Variants in RERE observed in about 807,000 individuals in gnomAD.
The protein encoded by RERE is arginine-glutamic acid dipeptide repeats.
A neutral mutation model predicts 146.1 loss-of-function variants in RERE; 40 were observed. That is an observed-to-expected ratio of 0.27 (90% CI 0.21 to 0.36). RERE has a LOEUF of 0.36. Ranked by LOEUF, RERE falls within the 10% of genes least tolerant of loss-of-function variation. The probability of loss-of-function intolerance (pLI) is 1.00; values close to 1 mark genes in which losing one functional copy is unlikely to be tolerated. For synonymous variants in RERE, 1,003 were observed against 866.0 expected (o/e 1.16, Z -2.78); for missense variants, 1,933 against 2,138.7 (o/e 0.90, Z 1.90).
At chr1:8,645,382 T>C (rs1352704909) in intron 2 of RERE, among the ~76,000 whole-genome samples, 1 of 152,216 alleles carries the variant, frequency 6.6e-6, no homozygotes, top group Non-Finnish European at 1.5e-5. Flanking sequence ...TAATTTTTGA[T>C]CTGCCTAATT....
intron 11 of RERE, among the ~76,000 whole-genome samples, chr1:8,463,999 A>G (rs1183438938): frequency 6.6e-6 from 1 of 152,240 alleles, no homozygotes; most frequent in Non-Finnish European, 1.5e-5. Context: ...AACCTTGTCA[A>G]TCAGATCTCT....
intron 1 of RERE, among the ~76,000 whole-genome samples, chr1:8,722,313 A>G (rs1322017202): frequency 1.3e-5 from 2 of 152,220 alleles, no homozygotes; most frequent in African/African-American, 4.8e-5. Context: ...TTCTGGTAAC[A>G]TCCCTTTTCT....
At chr1:8,712,432 G>A (rs1280836978) in intron 1 of RERE, among the ~76,000 whole-genome samples, 1 of 152,198 alleles carries the variant, frequency 6.6e-6, no homozygotes, top group Non-Finnish European at 1.5e-5. Context: ...AATCTTCAGA[G>A]CAAGCTGACT....
At chr1:8,599,299 C>A (rs540096298) in intron 4 of RERE, among the ~76,000 whole-genome samples, 3 of 152,190 alleles carry the variant, frequency 2.0e-5, no homozygotes, top group South Asian at 2.1e-4. Context: ...TTAAAATCAA[C>A]GAAAAAAGCA....
intron 6 of RERE, among the ~76,000 whole-genome samples, chr1:8,553,334 GCAC>G (rs1249797077): frequency 2.7e-5 from 4 of 149,498 alleles, no homozygotes; most frequent in South Asian, 2.1e-4. Flanking sequence ...ATGCAAAATT[GCAC>G]CACTAGGCCA....
At chr1:8,612,732 T>G (rs1202281894) in intron 4 of RERE, among the ~76,000 whole-genome samples, 1 of 152,212 alleles carries the variant, frequency 6.6e-6, no homozygotes, top group East Asian at 1.9e-4. Flanking sequence ...AACCTACTTT[T>G]TAGATATATG....
chr1:8,611,489 G>A (rs1298604685), intron 4 of RERE, among the ~76,000 whole-genome samples: 1 of 152,138 alleles, frequency 6.6e-6, no homozygotes, highest in Non-Finnish European at 1.5e-5. Flanking sequence ...GCATGACAGG[G>A]TGAGACTCTG....
intron 4 of RERE, among the ~76,000 whole-genome samples, chr1:8,584,040 A>G (rs1646398740): frequency 6.6e-6 from 1 of 152,162 alleles, no homozygotes; most frequent in Admixed American, 6.5e-5. Flanking sequence ...TAAATAAATT[A>G]TACCAGATAT....
chr1:8,635,873 T>TC (rs1280946605), intron 2 of RERE, among the ~76,000 whole-genome samples: 1 of 152,218 alleles, frequency 6.6e-6, no homozygotes, highest in Non-Finnish European at 1.5e-5. Context: ...ACACTGTCCT[T>TC]CCCTTGACAA....
At chr1:8,606,333 T>C (rs542082451) in intron 4 of RERE, among the ~76,000 whole-genome samples, 2 of 152,272 alleles carry the variant, frequency 1.3e-5, no homozygotes, top group South Asian at 4.1e-4. Context: ...AGATTCTAAA[T>C]TTTAAAAATT....
chr1:8,468,129 T>C (rs1391744985), intron 10 of RERE, among the ~76,000 whole-genome samples: 1 of 152,128 alleles, frequency 6.6e-6, no homozygotes, highest in African/African-American at 2.4e-5. Flanking sequence ...ACAACAATGA[T>C]CAATACTGGA....
chr1:8,544,248 T>TA (rs1472928698), intron 6 of RERE, among the ~76,000 whole-genome samples: 1 of 152,194 alleles, frequency 6.6e-6, no homozygotes, highest in African/African-American at 2.4e-5. Context: ...ATTAAATTTT[T>TA]AAAAAACAAA....
chr1:8,367,374 T>C (rs1641851617), intron 12 of RERE, among the ~76,000 whole-genome samples: 1 of 152,200 alleles, frequency 6.6e-6, no homozygotes, highest in South Asian at 2.1e-4. Flanking sequence ...CTGCATCTTA[T>C]GCCTGGGCAT....
At chr1:8,464,305 C>G (rs1178716143) in intron 11 of RERE, among the ~76,000 whole-genome samples, 1 of 152,156 alleles carries the variant, frequency 6.6e-6, no homozygotes, top group African/African-American at 2.4e-5. Context: ...AGCCCTTGCC[C>G]ACCCTCACCC....
At chr1:8,406,375 TA>T (rs1643437677) in intron 12 of RERE, among the ~76,000 whole-genome samples, 1 of 152,122 alleles carries the variant, frequency 6.6e-6, no homozygotes, top group Non-Finnish European at 1.5e-5. Flanking sequence ...CCAGTCAGAT[TA>T]ATATTTTCAA....
At chr1:8,584,381 C>T (rs1213724247) in intron 4 of RERE, among the ~76,000 whole-genome samples, 3 of 151,668 alleles carry the variant, frequency 2.0e-5, no homozygotes, top group African/African-American at 4.8e-5. Flanking sequence ...CCTATCTCAA[C>T]GAAAAATAAA....
At chr1:8,584,436 A>C (rs1035458495) in intron 4 of RERE, among the ~76,000 whole-genome samples, 2 of 152,126 alleles carry the variant, frequency 1.3e-5, no homozygotes, top group Non-Finnish European at 2.9e-5. Context: ...AGTCCCAGCT[A>C]CTAGGGAGTA....
At chr1:8,399,068 T>C (rs1224493908) in intron 12 of RERE, among the ~76,000 whole-genome samples, 3 of 152,080 alleles carry the variant, frequency 2.0e-5, no homozygotes, top group African/African-American at 7.2e-5. Context: ...CTTTCACCCA[T>C]TTTTCTATTG....
At chr1:8,496,142 C>T (rs572106005) in intron 9 of RERE, among the ~76,000 whole-genome samples, 3 of 138,246 alleles carry the variant, frequency 2.2e-5, no homozygotes, top group Non-Finnish European at 4.5e-5. Context: ...CAGTGTGAGA[C>T]CCTGTCTTAA....
Sources: allele counts gnomAD v4.1 joint callset (sites outside exome capture counted in the v4.1 genomes callset), GRCh38; gene constraint gnomAD v4.1.1; transcripts MANE v1.5; gene names NCBI Gene and HGNC (gene_info 2026-07-23, HGNC 2026-07-21).